ATXN7: variants seen among roughly 807,000 people sequenced by gnomAD.
ATXN7 encodes ataxin 7.
Under a neutral mutation model 70.5 loss-of-function variants are expected in ATXN7, and 12 were observed. The ratio of observed to expected loss-of-function variants is 0.17; its 90% CI spans 0.11 to 0.28. ATXN7 has a LOEUF of 0.28. ATXN7 is among the 10% of genes least tolerant of loss of function. ATXN7 has a pLI of 1.00. For missense variants in ATXN7, 1,256 were observed against 1,131.7 expected (o/e 1.11, Z -1.58); for synonymous variants, 498 against 448.7 (o/e 1.11, Z -1.39).
intron 5 of ATXN7, among the ~76,000 whole-genome samples, chr3:63,964,957 A>T (rs554541863): frequency 3.7e-4 from 57 of 152,284 alleles, no homozygotes; most frequent in African/African-American, 1.3e-3. Flanking sequence ...GGAGACTTGT[A>T]TTCCTGTAAA....
rs867066203 is a variant in ATXN7, at chr3:63,988,168, C to T, written c.1205C>T (p.Pro402Leu). The T allele has an allele frequency of 5.6e-6, 9 of 1,613,882 alleles. No individual in the cohort carries two copies. Among genetic ancestry groups the T allele is most frequent in the African/African-American group, 4.0e-5 (3 of 74,874 alleles). The stretch of plus-strand genomic sequence containing the variant: ...AGGGAAAAGGAATTGATTCGCCATC[C>T]GGACTCTCAGCAACCACCGCAGCCT... ...KTREKELIRHPDSQQPPQPLR... is the reference protein window; with the variant it reads ...KTREKELIRHLDSQQPPQPLR... The change falls in exon 9 of 13, where the codon CCG becomes CTG. Residue 402 changes from proline to leucine, a missense_variant. Transcript: ENST00000674280.
chr3:63,968,477 A>T (rs531045100), intron 5 of ATXN7: 2 of 152,646 alleles, frequency 1.3e-5, no homozygotes, highest in East Asian at 3.8e-4. Context: ...GTGAGGTTTC[A>T]TGACAGGCAG....
chr3:63,893,198 A>G (rs187328405), intron 1 of ATXN7, among the ~76,000 whole-genome samples: 5 of 152,320 alleles, frequency 3.3e-5, no homozygotes, highest in South Asian at 2.1e-4. Context: ...AATGTCAGCT[A>G]CTACTACTAT....
intron 4 of ATXN7, among the ~76,000 whole-genome samples, chr3:63,916,484 C>T (rs1236372720): frequency 6.6e-6 from 1 of 152,158 alleles, no homozygotes; most frequent in Non-Finnish European, 1.5e-5. Context: ...TTTTTCTTTT[C>T]ACTTTTTCCT....
intron 11 of ATXN7, among the ~76,000 whole-genome samples, chr3:63,993,295 T>C (rs1559661482): frequency 6.7e-6 from 1 of 150,316 alleles, no homozygotes; most frequent in Non-Finnish European, 1.5e-5. Context: ...TTTTTTTTTT[T>C]TTACTTTTTG....
At chr3:63,964,890 C>T (rs1372011945) in intron 5 of ATXN7, among the ~76,000 whole-genome samples, 2 of 152,290 alleles carry the variant, frequency 1.3e-5, no homozygotes, top group Non-Finnish European at 2.9e-5. Flanking sequence ...CCTGTAAGTG[C>T]CAATTAAGGC....
In ATXN7 at chr3:63,955,842, A is replaced by G. The variant is rs560742860; in HGVS notation, c.499+3359A>G. On this transcript the variant is annotated intron_variant, in intron 5 of 12. Transcript: ENST00000674280. Reference sequence around the variant, plus strand: ...ATGAACAAATGAATAGTTCCTACCAACTCCAGCAGGCAGTTCCGTTAAAAC... The same window carrying G: ...ATGAACAAATGAATAGTTCCTACCAGCTCCAGCAGGCAGTTCCGTTAAAAC... Among the ~76,000 whole-genome samples, 18 of 152,240 alleles carry G rather than the reference A, an allele frequency of 1.2e-4. No individual in the cohort carries two copies. The South Asian group carries it at 3.7e-3, about 32-fold the overall frequency.
At chr3:63,913,042 G>T in intron 3 of ATXN7, 115 bp from the exon 4 acceptor site, 1 of 1,355,748 alleles carries the variant, frequency 7.4e-7, no homozygotes, top group Admixed American at 2.0e-5. Flanking sequence ...GCTATCGTTT[G>T]CTGGGTTGCG....
chr3:63,910,826 ATGTG>A (rs143497786), intron 2 of ATXN7, among the ~76,000 whole-genome samples: 16 of 150,728 alleles, frequency 1.1e-4, no homozygotes, highest in Admixed American at 2.0e-4. Context: ...TAAAATAAAA[ATGTG>A]TGTGTGTGTG....
At chr3:63,869,666 C>T (rs1702540677) in intron 1 of ATXN7, among the ~76,000 whole-genome samples, 1 of 152,174 alleles carries the variant, frequency 6.6e-6, no homozygotes, top group Non-Finnish European at 1.5e-5. Context: ...CTCAGGTGAT[C>T]CACCTGCCTC....
chr3:63,876,453 A>G (rs17069458), intron 1 of ATXN7, among the ~76,000 whole-genome samples: 2,733 of 152,302 alleles, frequency 0.018, 89 homozygotes, highest in African/African-American at 0.059. Flanking sequence ...GACAGTTTAA[A>G]GGAATCGCTT....
intron 1 of ATXN7, among the ~76,000 whole-genome samples, chr3:63,885,130 TA>T (rs1461477640): frequency 1.3e-5 from 2 of 152,052 alleles, no homozygotes; most frequent in Admixed American, 1.3e-4. Flanking sequence ...TGCATCAAAC[TA>T]AAACAGCTTC....
intron 5 of ATXN7, among the ~76,000 whole-genome samples, chr3:63,978,054 C>A (rs914469781): frequency 1.3e-5 from 2 of 152,144 alleles, no homozygotes; most frequent in South Asian, 2.1e-4. Flanking sequence ...TGATAACTTA[C>A]TCAGCTGTGG....
chr3:63,962,917 T>TTG, intron 5 of ATXN7, among the ~76,000 whole-genome samples: 1 of 151,020 alleles, frequency 6.6e-6, no homozygotes, highest in African/African-American at 2.4e-5. Flanking sequence ...TCTTTTTTTT[T>TTG]TTTTTTTTTC....
rs369685134 is a variant in ATXN7 at position 63,941,419 on chromosome 3, T to A, written c.395-10960T>A. ...CAGCAGTGTGAACCCTATTGTGAAC[T>A]GCACGTGCAAGGTATCTAGGTTGTG... On this transcript the variant is annotated intron_variant, in intron 4 of 12. Transcript: ENST00000674280. Among the ~76,000 whole-genome samples the A allele has an allele frequency of 2.8e-4, 42 of 152,300 alleles. No individual in the cohort carries two copies. The South Asian group carries it at 8.7e-3, about 32-fold the overall frequency.
intron 2 of ATXN7, chr3:63,912,054 T>G (rs982008646): frequency 5.9e-5 from 9 of 151,788 alleles, no homozygotes; most frequent in African/African-American, 2.2e-4. Flanking sequence ...GACCGGCAAG[T>G]GGGAGGAGGC....
At chr3:63,884,242 TAC>T (rs1294077305) in intron 1 of ATXN7, among the ~76,000 whole-genome samples, 17 of 86,528 alleles carry the variant, frequency 2.0e-4, no homozygotes, top group Admixed American at 1.7e-3. Context: ...CACACACACA[TAC>T]TCTCACACAC....
chr3:63,955,251 A>G (rs1247178334), intron 5 of ATXN7, among the ~76,000 whole-genome samples: 5 of 152,334 alleles, frequency 3.3e-5, no homozygotes, highest in Non-Finnish European at 7.3e-5. Flanking sequence ...GACAAGGGAA[A>G]TATTAAAGAT....
In ATXN7 at chr3:63,865,932, A is replaced by C. The variant is rs1702410308; in HGVS notation, c.-111+1774A>C. Reference sequence around the variant, plus strand: ...AAAAAAAAAAAAAAAAAAAGAAAGTAATTGTCATGTGGTGAAAAGTTTTTT... The same window carrying C: ...AAAAAAAAAAAAAAAAAAAGAAAGTCATTGTCATGTGGTGAAAAGTTTTTT... On this transcript the variant is annotated intron_variant, in intron 1 of 12. Transcript: ENST00000674280. Among the ~76,000 whole-genome samples, 3 of 146,268 alleles carry C rather than the reference A, an allele frequency of 2.1e-5. No individual in the cohort carries two copies. In the South Asian group the frequency reaches 6.5e-4, roughly 32 times the overall value.
Sources: gnomAD v4.1 joint callset for allele counts (sites outside exome capture counted in the v4.1 genomes callset) on GRCh38, gnomAD v4.1.1 for gene constraint, MANE v1.5 for transcripts, NCBI Gene and HGNC (gene_info 2026-07-23, HGNC 2026-07-21) for gene names.